The following CSMD1 variants were observed in gnomAD, a reference collection of about 807,000 sequenced individuals.
CSMD1 encodes the protein CUB and Sushi multiple domains 1, also known as CUB and sushi domain-containing protein 1.
A neutral mutation model predicts 417.5 loss-of-function variants in CSMD1; 213 were observed. That is an observed-to-expected ratio of 0.51 (90% CI 0.46 to 0.57). CSMD1 has a LOEUF of 0.57. CSMD1 is among the 20% of genes least tolerant of loss of function. The pLI is 0.00. For synonymous variants in CSMD1, 2,862 were observed against 1,736.8 expected (o/e 1.65, Z -16.11); for missense variants, 6,923 against 4,529.7 (o/e 1.53, Z -15.17).
At chr8:4,950,468 A>G (rs546921335) in intron 1 of CSMD1, among the ~76,000 whole-genome samples, 1 of 152,334 alleles carries the variant, frequency 6.6e-6, no homozygotes, top group Admixed American at 6.5e-5. Flanking sequence ...GAACACCTGC[A>G]AAATAGGATA....
At chr8:3,249,313 C>T (rs921762997) in intron 26 of CSMD1, among the ~76,000 whole-genome samples, 5 of 152,278 alleles carry the variant, frequency 3.3e-5, no homozygotes, top group South Asian at 4.1e-4. Flanking sequence ...CCTCTGCCTC[C>T]TGGGTTCATG....
intron 25 of CSMD1, among the ~76,000 whole-genome samples, chr8:3,285,435 G>C (rs1803074021): frequency 6.7e-6 from 1 of 150,250 alleles, no homozygotes; most frequent in African/African-American, 2.5e-5. Context: ...CTCCTAGGCT[G>C]GAGTGCAGTG....
Position 3,634,596 on chromosome 8 carries a change from C to T in CSMD1, c.1010-17799G>A, listed in dbSNP as rs115115163. Among the ~76,000 whole-genome samples, 353 of 152,228 alleles carry T rather than the reference C, an allele frequency of 2.3e-3. 2 individuals carry two copies. Among genetic ancestry groups the T allele is most frequent in the African/African-American group, 8.1e-3 (335 of 41,534 alleles). On this transcript the variant is annotated intron_variant, in intron 7 of 69. Transcript: ENST00000635120. ...CAAGCCATAGCCATGCACATAATGA[C>T]CTTCCTGAGCTCTGTGCAGCCTTCT...
At chr8:3,320,741 C>T (rs1329200125) in intron 23 of CSMD1, among the ~76,000 whole-genome samples, 2 of 152,182 alleles carry the variant, frequency 1.3e-5, no homozygotes, top group East Asian at 3.9e-4. Context: ...ATCAGCCTAA[C>T]TGTGGCTTGC....
At chr8:4,634,827 C>G (rs1283125384) in intron 2 of CSMD1, among the ~76,000 whole-genome samples, 2 of 152,108 alleles carry the variant, frequency 1.3e-5, no homozygotes, top group Non-Finnish European at 2.9e-5. Flanking sequence ...TGACAACACA[C>G]CCATTCCAAT....
chr8:4,395,379 C>G (rs1288100903), intron 3 of CSMD1, among the ~76,000 whole-genome samples: 1 of 152,118 alleles, frequency 6.6e-6, no homozygotes, highest in Non-Finnish European at 1.5e-5. Context: ...GTCCCAATAT[C>G]TGGTCCAGCT....
At position 4,987,377 on chromosome 8, in the gene CSMD1, G is replaced by C. The variant is rs916004660; in HGVS notation, c.85+6955C>G. The stretch of plus-strand genomic sequence containing the variant: ...ACAGGCGTGTTCAGTACAGAAAGCA[G>C]AGGGTTGCTGCAACACTTTAGGAAA... On this transcript the variant is annotated intron_variant, in intron 1 of 69. Coordinates refer to ENST00000635120, the MANE Select transcript of CSMD1 (RefSeq NM_033225.6). Among the ~76,000 whole-genome samples the C allele has an allele frequency of 2.6e-5, 4 of 152,212 alleles. No individual in the cohort carries two copies. In the South Asian group the frequency reaches 6.2e-4, roughly 24 times the overall value.
rs772715513 is a variant in CSMD1 at position 4,994,408 on chromosome 8, C to A, written c.9G>T (p.Ala3=). Residue 3 remains alanine, a synonymous_variant, in exon 1 of 70, where the codon GCG becomes GCT. Coordinates refer to ENST00000635120, the MANE Select transcript of CSMD1 (RefSeq NM_033225.6). MT[A]WRRFQSLLLL... ...GGAGCAGCGACTGGAATCTCCTCCACGCAGTCATGTCTGCAGATACTCCAC... is the reference window on the plus strand; with the variant it reads ...GGAGCAGCGACTGGAATCTCCTCCAAGCAGTCATGTCTGCAGATACTCCAC... The A allele has an allele frequency of 6.2e-7, 1 of 1,612,070 alleles. No individual in the cohort carries two copies. Among genetic ancestry groups the A allele is most frequent in the South Asian group, 1.1e-5 (1 of 91,078 alleles).
chr8:4,203,400 A>G (rs1325292154), intron 3 of CSMD1, among the ~76,000 whole-genome samples: 2 of 152,216 alleles, frequency 1.3e-5, no homozygotes, highest in South Asian at 2.1e-4. Context: ...TGTGGTTTCT[A>G]TGCCACTACA....
rs139216873 is a variant in CSMD1 at position 3,051,973 on chromosome 8, A to C, written c.7660+489T>G. On this transcript the variant is annotated intron_variant, in intron 50 of 69. Coordinates refer to ENST00000635120, the MANE Select transcript of CSMD1 (RefSeq NM_033225.6). ...AAAACTTACCCCACTTCACAAATCA[A>C]ATTAATGCTTTATTTACTGAGCATC... 9.0e-4 allele frequency among the ~76,000 whole-genome samples: 137 copies of C among 152,334 alleles called. 1 individual carries two copies. In the East Asian group the frequency reaches 0.025, roughly 27 times the overall value.
intron 5 of CSMD1, among the ~76,000 whole-genome samples, chr8:3,805,313 G>C (rs1000226688): frequency 6.6e-6 from 1 of 152,122 alleles, no homozygotes; most frequent in African/African-American, 2.4e-5. Context: ...CAGGACACCA[G>C]CCTCAAAGGC....
chr8:4,600,586 A>C (rs2130762477), intron 2 of CSMD1, among the ~76,000 whole-genome samples: 1 of 152,346 alleles, frequency 6.6e-6, no homozygotes, highest in South Asian at 2.1e-4. Flanking sequence ...CCTAAAGAAA[A>C]CATTTATTCA....
chr8:4,111,560 T>C (rs568899150), intron 3 of CSMD1, among the ~76,000 whole-genome samples: 1 of 152,258 alleles, frequency 6.6e-6, no homozygotes, highest in East Asian at 1.9e-4. Flanking sequence ...AAAATGCAGT[T>C]CACATACACC....
rs754944504 is a variant in CSMD1, at chr8:3,190,038, A to C, written c.5272T>G (p.Ser1758Ala). ...RYGRRIGSEF[S>A]AGSIVRFECN... ...TCGAATCGGACGATGGAGCCGGCAGAAAACTCAGAACCAATTCTCCTTCCG... is the reference window on the plus strand; with the variant it reads ...TCGAATCGGACGATGGAGCCGGCAGCAAACTCAGAACCAATTCTCCTTCCG... The change falls in exon 34 of 70, where the codon TCT becomes GCT. Residue 1758 changes from serine (S) to alanine (A), a missense_variant. Ser to Ala is a moderately conservative substitution (Grantham distance 99). Transcript: ENST00000635120. The C allele has an allele frequency of 6.3e-7, 1 of 1,595,378 alleles. No homozygotes were observed. The highest frequency in any genetic ancestry group is 8.5e-7 in the Non-Finnish European group (1 of 1,171,092).
chr8:3,674,977 G>T (rs13265504), intron 7 of CSMD1, among the ~76,000 whole-genome samples: 10 of 151,964 alleles, frequency 6.6e-5, no homozygotes, highest in Non-Finnish European at 1.2e-4. Context: ...GCACAAAAAG[G>T]GGTTAACATC....
At chr8:4,027,760 A>G (rs1159718531) in intron 4 of CSMD1, among the ~76,000 whole-genome samples, 1 of 152,222 alleles carries the variant, frequency 6.6e-6, no homozygotes, top group Admixed American at 6.5e-5. Flanking sequence ...AAGGGAAATA[A>G]ATAACTAAAA....
chr8:4,777,402 G>A (rs1301365649), intron 1 of CSMD1, among the ~76,000 whole-genome samples: 1 of 152,148 alleles, frequency 6.6e-6, no homozygotes, highest in Non-Finnish European at 1.5e-5. Context: ...AGATGTCTCA[G>A]GGGGACATCT....
intron 2 of CSMD1, among the ~76,000 whole-genome samples, chr8:4,456,186 A>T (rs1024478905): frequency 1.3e-5 from 2 of 152,052 alleles, no homozygotes; most frequent in African/African-American, 4.8e-5. Flanking sequence ...GCATGACACA[A>T]ACTTTATTAC....
At chr8:4,901,056 G>C (rs1344913823) in intron 1 of CSMD1, among the ~76,000 whole-genome samples, 3 of 152,192 alleles carry the variant, frequency 2.0e-5, no homozygotes, top group South Asian at 2.1e-4. Context: ...GTCAAAAGGA[G>C]ATTACACAGA....
Sources: allele counts gnomAD v4.1 joint callset (sites outside exome capture counted in the v4.1 genomes callset), GRCh38; gene constraint gnomAD v4.1.1; transcripts MANE v1.5; gene names NCBI Gene and HGNC (gene_info 2026-07-23, HGNC 2026-07-21).